Variants in TLL1 observed in about 807,000 individuals in gnomAD.
The protein encoded by TLL1 is tolloid like 1, also known as tolloid-like protein 1.
TLL1 carries 49 observed loss-of-function variants against 128.2 expected under a neutral mutation model. The ratio of observed to expected loss-of-function variants is 0.38; its 90% confidence interval spans 0.30 to 0.48. TLL1 has a LOEUF of 0.48. Among genes scored for constraint, TLL1 ranks in the 20% least tolerant of loss-of-function variants. The pLI is 0.96. For missense variants in TLL1, 1,123 were observed against 1,242.0 expected (o/e 0.90, Z 1.44); for synonymous variants, 454 against 418.8 (o/e 1.08, Z -1.03).
intron 8 of TLL1, among the ~76,000 whole-genome samples, chr4:166,018,797 A>G (rs116304156): frequency 0.048 from 7,326 of 152,268 alleles, 255 homozygotes; most frequent in South Asian, 0.084. Context: ...TAAAAAGATG[A>G]AAAATGACAG....
At chr4:165,880,186 A>G (rs1001774246) in intron 1 of TLL1, among the ~76,000 whole-genome samples, 14 of 152,334 alleles carry the variant, frequency 9.2e-5, no homozygotes, top group Middle Eastern at 3.4e-3. Context: ...TGTGAGCCCT[A>G]AAAATGGAAT....
intron 1 of TLL1, among the ~76,000 whole-genome samples, chr4:165,894,817 G>GA (rs1731592587): frequency 6.6e-6 from 1 of 150,734 alleles, no homozygotes; most frequent in Non-Finnish European, 1.5e-5. Flanking sequence ...TTTTAATTAG[G>GA]AATGCTAGAT....
chr4:165,898,823 C>T (rs974811078), intron 1 of TLL1, among the ~76,000 whole-genome samples: 3 of 152,086 alleles, frequency 2.0e-5, no homozygotes, highest in African/African-American at 7.2e-5. Context: ...CTCTTTGTAC[C>T]TCTGGAAGAA....
chr4:166,053,635 T>A (rs1193226630), intron 12 of TLL1, among the ~76,000 whole-genome samples: 1 of 152,200 alleles, frequency 6.6e-6, no homozygotes, highest in East Asian at 1.9e-4. Flanking sequence ...AGTGTTTTGA[T>A]AAGGCAGAAA....
At position 165,976,903 on chromosome 4, in the gene TLL1, C is replaced by G. The variant is rs556777549; in HGVS notation, c.170-12478C>G. On this transcript the variant is annotated intron_variant, in intron 1 of 20. Transcript: ENST00000061240. Reference sequence around the variant, plus strand: ...TCGTATACTTTTTAAAAACATTATGCGGTTTTTTTGTATTTTTCTTCTCTT... The same window carrying G: ...TCGTATACTTTTTAAAAACATTATGGGGTTTTTTTGTATTTTTCTTCTCTT... Among the ~76,000 whole-genome samples, 31 of 152,106 alleles carry G rather than the reference C, an allele frequency of 2.0e-4. 1 individual carries two copies. In the Middle Eastern group the frequency reaches 0.014, roughly 67 times the overall value.
rs141051512 is a variant in TLL1, at chr4:165,913,456, A to G, written c.169+39383A>G. Reference sequence around the variant, plus strand: ...AGAACTCTTAAACCAAATCAATGATATGTAGCTTACTCACTTGAGAAATTC... The same window carrying G: ...AGAACTCTTAAACCAAATCAATGATGTGTAGCTTACTCACTTGAGAAATTC... On this transcript the variant is annotated intron_variant, in intron 1 of 20. Coordinates refer to ENST00000061240, the MANE Select transcript of TLL1 (RefSeq NM_012464.5). 4.2e-3 allele frequency among the ~76,000 whole-genome samples: 638 copies of G among 152,318 alleles called. 5 individuals carry two copies. The highest frequency in any genetic ancestry group is 0.014 in the African/African-American group (589 of 41,568).
In TLL1 at chr4:166,047,599, C is replaced by A. The variant is rs1739522172; in HGVS notation, c.1524+4180C>A. Among the ~76,000 whole-genome samples the A allele has an allele frequency of 2.0e-5, 3 of 151,540 alleles. No individual in the cohort carries two copies. The South Asian group carries it at 6.2e-4, about 31-fold the overall frequency. On this transcript the variant is annotated intron_variant, in intron 12 of 20. Transcript: ENST00000061240. ...TGTTGAAATCTACTTTAAAGAACTTCTTAGCTGTCCATCATTCATGCTTCT... is the reference window on the plus strand; with the variant it reads ...TGTTGAAATCTACTTTAAAGAACTTATTAGCTGTCCATCATTCATGCTTCT...
chr4:166,031,352 G>A (rs975501986), intron 9 of TLL1, among the ~76,000 whole-genome samples: 3 of 146,692 alleles, frequency 2.0e-5, no homozygotes, highest in South Asian at 2.1e-4. Flanking sequence ...AAATTATGGC[G>A]ATTGCAAGGT....
At chr4:165,915,810 C>A (rs76657152) in intron 1 of TLL1, among the ~76,000 whole-genome samples, 11,338 of 152,172 alleles carry the variant, frequency 0.075, 907 homozygotes, top group African/African-American at 0.2. Flanking sequence ...TAAATACCAA[C>A]CCATAGTAGT....
chr4:166,005,885 G>C (rs12331800), intron 6 of TLL1, among the ~76,000 whole-genome samples: 1 of 151,730 alleles, frequency 6.6e-6, no homozygotes, highest in South Asian at 2.1e-4. Context: ...AAATAAATGC[G>C]CAATCCTAAA....
At chr4:166,064,250 C>T (rs993887869) in intron 15 of TLL1, among the ~76,000 whole-genome samples, 3 of 151,920 alleles carry the variant, frequency 2.0e-5, no homozygotes, top group Non-Finnish European at 4.4e-5. Flanking sequence ...AATTTCCCTA[C>T]CAATTCTGGG....
intron 18 of TLL1, among the ~76,000 whole-genome samples, chr4:166,087,520 G>T (rs1741578847): frequency 6.6e-6 from 1 of 152,154 alleles, no homozygotes; most frequent in Admixed American, 6.5e-5. Context: ...GTGAAAGATG[G>T]CTGGGACTGG....
intron 1 of TLL1, among the ~76,000 whole-genome samples, chr4:165,977,496 T>C (rs973688807): frequency 6.6e-6 from 1 of 152,208 alleles, no homozygotes; most frequent in Non-Finnish European, 1.5e-5. Flanking sequence ...AATATTTCTT[T>C]ATAGCAGTGT....
In TLL1 at chr4:165,951,326, A is replaced by G. The variant is rs534167043; in HGVS notation, c.170-38055A>G. Among the ~76,000 whole-genome samples the G allele has an allele frequency of 1.7e-4, 26 of 152,230 alleles. No individual in the cohort carries two copies. In the South Asian group the frequency reaches 4.3e-3, roughly 25 times the overall value. ...AGTAAGGAATTCGAATGAGAAAAAT[A>G]GTGGCCAGATGATGTCTGGGCAGTC... On this transcript the variant is annotated intron_variant, in intron 1 of 20. Transcript: ENST00000061240.
chr4:165,934,203 CG>C (rs1733663825), intron 1 of TLL1, among the ~76,000 whole-genome samples: 2 of 129,148 alleles, frequency 1.5e-5, no homozygotes. Context: ...TTAGTAGGGA[CG>C]GGGTTTCACC....
rs139753826 is a variant in TLL1, at chr4:165,877,752, C to T, written c.169+3679C>T. 9.4e-4 allele frequency among the ~76,000 whole-genome samples: 142 copies of T among 151,712 alleles called. 1 individual carries two copies. The highest frequency in any genetic ancestry group is 3.4e-3 in the African/African-American group (139 of 41,260). On this transcript the variant is annotated intron_variant, in intron 1 of 20. Coordinates refer to ENST00000061240, the MANE Select transcript of TLL1 (RefSeq NM_012464.5). ...CCTTCCATTCCTTGCTTTTTTACTTCCTTCCCTTCTTTCCCTTCTTCTTTC... is the reference window on the plus strand; with the variant it reads ...CCTTCCATTCCTTGCTTTTTTACTTTCTTCCCTTCTTTCCCTTCTTCTTTC...
chr4:165,879,595 C>A (rs762517003), intron 1 of TLL1, among the ~76,000 whole-genome samples: 1 of 152,066 alleles, frequency 6.6e-6, no homozygotes, highest in African/African-American at 2.4e-5. Context: ...TCTAATAGTT[C>A]CTTAGACCCA....
intron 16 of TLL1, among the ~76,000 whole-genome samples, chr4:166,069,698 G>A (rs982127164): frequency 2.0e-5 from 3 of 151,608 alleles, no homozygotes; most frequent in African/African-American, 7.3e-5. Context: ...AACATTGAAG[G>A]GATGTCTCTA....
At chr4:165,953,640 AT>A (rs1579534693) in intron 1 of TLL1, among the ~76,000 whole-genome samples, 1 of 150,622 alleles carries the variant, frequency 6.6e-6, no homozygotes, top group East Asian at 2.0e-4. Flanking sequence ...ATATATATAT[AT>A]ATATATAAAT....
Sources: gnomAD v4.1 joint callset for allele counts (sites outside exome capture counted in the v4.1 genomes callset) on GRCh38, gnomAD v4.1.1 for gene constraint, MANE v1.5 for transcripts, NCBI Gene and HGNC (gene_info 2026-07-23, HGNC 2026-07-21) for gene names.